MRPS35: variants seen among roughly 807,000 people sequenced by gnomAD.
The protein encoded by MRPS35 is mitochondrial ribosomal protein S35, also known as small ribosomal subunit protein mS35.
Under a neutral mutation model 32.7 loss-of-function variants are expected in MRPS35, and 29 were observed. That is an observed-to-expected ratio of 0.89 (90% CI 0.66 to 1.21). The LOEUF is 1.21. Among genes scored for constraint, MRPS35 ranks in the 50% most tolerant of loss-of-function variants. MRPS35 has a pLI of 0.00. For synonymous variants in MRPS35, 148 were observed against 139.3 expected (o/e 1.06, Z -0.44); for missense variants, 373 against 383.8 (o/e 0.97, Z 0.23).
chr12:27,739,544 T>C (rs1222955357), intron 7 of MRPS35, among the ~76,000 whole-genome samples: 1 of 152,254 alleles, frequency 6.6e-6, no homozygotes, highest in Non-Finnish European at 1.5e-5. Flanking sequence ...TTTACAATTA[T>C]TTCCATTATT....
At chr12:27,745,780 T>G (rs981558354) in intron 7 of MRPS35, among the ~76,000 whole-genome samples, 1 of 152,070 alleles carries the variant, frequency 6.6e-6, no homozygotes, top group East Asian at 1.9e-4. Flanking sequence ...GTGTTCTCAT[T>G]GTTCAATTCC....
At chr12:27,745,936 G>A (rs2061980816) in intron 7 of MRPS35, among the ~76,000 whole-genome samples, 3 of 152,192 alleles carry the variant, frequency 2.0e-5, no homozygotes, top group South Asian at 2.1e-4. Flanking sequence ...TGGTGTATAT[G>A]TGCCACATTT....
In MRPS35 at chr12:27,756,190, A is replaced by G. The variant is rs953162957; in HGVS notation, c.*740A>G. 4 of 152,230 alleles carry G rather than the reference A, an allele frequency of 2.6e-5. No individual in the cohort carries two copies. The highest frequency in any genetic ancestry group is 9.6e-5 in the African/African-American group (4 of 41,458). The allele number at this position is 152,230 out of a possible 1,614,324, so 9.4% of individuals were successfully genotyped here. ...AACTACCCTGGGAAACCCTGCATTC[A>G]ATGTAGCTGTCAATTCAGTATTTTT... On this transcript the variant is annotated 3_prime_UTR_variant, in exon 8 of 8. Transcript: ENST00000081029.
chr12:27,734,815 G>A (rs1237807342), intron 5 of MRPS35, among the ~76,000 whole-genome samples: 5 of 151,994 alleles, frequency 3.3e-5, no homozygotes, highest in Non-Finnish European at 4.4e-5. Context: ...AATTTACCTC[G>A]GCATTTCCTA....
chr12:27,734,483 C>T (rs926270708), intron 5 of MRPS35, among the ~76,000 whole-genome samples: 3 of 152,010 alleles, frequency 2.0e-5, no homozygotes, highest in Admixed American at 6.6e-5. Flanking sequence ...TCAGGTGATC[C>T]GCCCGCCTCG....
At chr12:27,752,057 A>G (rs570819862) in intron 7 of MRPS35, among the ~76,000 whole-genome samples, 87 of 150,290 alleles carry the variant, frequency 5.8e-4, no homozygotes, top group Non-Finnish European at 1.1e-3. Context: ...CTTAGGCAAC[A>G]TAGCAAGACC....
intron 1 of MRPS35, among the ~76,000 whole-genome samples, chr12:27,714,175 A>G (rs752223781): frequency 2.0e-5 from 3 of 152,190 alleles, no homozygotes; most frequent in Non-Finnish European, 4.4e-5. Flanking sequence ...TGTGTTCATA[A>G]TATTTATCAC....
rs939400628 is a variant in MRPS35, at chr12:27,725,575, A to G, written c.522+1389A>G. On this transcript the variant is annotated intron_variant, in intron 5 of 7. Coordinates refer to ENST00000081029, the MANE Select transcript of MRPS35 (RefSeq NM_021821.4). Reference sequence around the variant, plus strand: ...TTGATATATATTATAAAATTCCTGCAGGAAATGTAAAAAAATATAATCCCA... The same window carrying G: ...TTGATATATATTATAAAATTCCTGCGGGAAATGTAAAAAAATATAATCCCA... 5.4e-5 allele frequency: 14 copies of G among 257,854 alleles called. No homozygotes were observed. In the Middle Eastern group the frequency reaches 1.7e-3, roughly 32 times the overall value. 16.0% of individuals were successfully genotyped at this position (257,854 alleles called of 1,614,324 possible). A position where few individuals can be genotyped will look rare whatever the true frequency, so the allele number is the denominator to read the frequency against.
chr12:27,719,432 C>T (rs12228382), intron 3 of MRPS35, among the ~76,000 whole-genome samples: 10,304 of 151,940 alleles, frequency 0.068, 535 homozygotes, highest in South Asian at 0.16. Flanking sequence ...TTTGGGAGGC[C>T]GAGGCGGGTG....
At chr12:27,754,376 G>A (rs1245482639) in intron 7 of MRPS35, among the ~76,000 whole-genome samples, 1 of 152,012 alleles carries the variant, frequency 6.6e-6, no homozygotes, top group African/African-American at 2.4e-5. Flanking sequence ...CATCCCACAA[G>A]TATATCACAG....
At chr12:27,711,601 C>G (rs1030064144) in intron 1 of MRPS35, among the ~76,000 whole-genome samples, 15 of 152,016 alleles carry the variant, frequency 9.9e-5, no homozygotes, top group Non-Finnish European at 5.9e-5. Flanking sequence ...ACCTGTGCTA[C>G]TTCCTGTTAT....
Position 27,755,455 on chromosome 12 carries a change from T to C in MRPS35, c.*5T>C. On this transcript the variant is annotated 3_prime_UTR_variant, in exon 8 of 8. Transcript: ENST00000081029. ...AGACTATTAAATGTGACATGAATTA[T>C]GGAGTAGAAAAATCTGCTTGATTTA... 1.3e-6 allele frequency: 2 copies of C among 1,535,512 alleles called. No homozygotes were observed. Among genetic ancestry groups the C allele is most frequent in the Non-Finnish European group, 1.7e-6 (2 of 1,149,368 alleles).
chr12:27,754,518 G>A (rs1473833375), intron 7 of MRPS35, among the ~76,000 whole-genome samples: 4 of 151,910 alleles, frequency 2.6e-5, no homozygotes, highest in African/African-American at 4.8e-5. Context: ...TGTAATCCCA[G>A]GACTTTGAGA....
At chr12:27,718,135 T>C (rs1291743302) in intron 3 of MRPS35, among the ~76,000 whole-genome samples, 4 of 152,096 alleles carry the variant, frequency 2.6e-5, no homozygotes, top group Non-Finnish European at 4.4e-5. Flanking sequence ...ATTAAAACAA[T>C]ATTTTCTGGC....
intron 1 of MRPS35, among the ~76,000 whole-genome samples, chr12:27,711,611 T>G (rs2061824416): frequency 6.6e-6 from 1 of 152,098 alleles, no homozygotes; most frequent in African/African-American, 2.4e-5. Context: ...CTTCCTGTTA[T>G]ATCTCTAATT....
At chr12:27,731,874 C>T (rs532648174) in intron 5 of MRPS35, among the ~76,000 whole-genome samples, 2 of 152,216 alleles carry the variant, frequency 1.3e-5, no homozygotes, top group Admixed American at 1.3e-4. Flanking sequence ...TGGCCTGTGC[C>T]ATCTTTATGA....
intron 4 of MRPS35, among the ~76,000 whole-genome samples, chr12:27,720,692 A>G (rs1366568681): frequency 6.6e-6 from 1 of 151,864 alleles, no homozygotes; most frequent in Non-Finnish European, 1.5e-5. Flanking sequence ...GTGTATGTGT[A>G]TTTATAAAAT....
At chr12:27,738,848 ACT>A (rs1437717065) in intron 7 of MRPS35, among the ~76,000 whole-genome samples, 1 of 151,924 alleles carries the variant, frequency 6.6e-6, no homozygotes, top group Non-Finnish European at 1.5e-5. Flanking sequence ...GTTTTTAATG[ACT>A]CTTAGAGATA....
intron 2 of MRPS35, among the ~76,000 whole-genome samples, chr12:27,715,117 A>G (rs574072482): frequency 6.6e-6 from 1 of 152,300 alleles, no homozygotes; most frequent in South Asian, 2.1e-4. Flanking sequence ...ATGCATTAAT[A>G]TAACTAGTTT....
Sources: gnomAD v4.1 joint callset for allele counts (sites outside exome capture counted in the v4.1 genomes callset) on GRCh38, gnomAD v4.1.1 for gene constraint, MANE v1.5 for transcripts, NCBI Gene and HGNC (gene_info 2026-07-23, HGNC 2026-07-21) for gene names.